The following PTPRA variants were observed in gnomAD, a reference collection of about 807,000 sequenced individuals.
PTPRA encodes the protein protein tyrosine phosphatase receptor type A, also known as receptor-type tyrosine-protein phosphatase alpha.
A neutral mutation model predicts 104.8 loss-of-function variants in PTPRA; 25 were observed. That is an observed-to-expected ratio of 0.24 (90% CI 0.17 to 0.33). The LOEUF (loss-of-function observed/expected upper bound fraction) is 0.33. Among genes scored for constraint, PTPRA ranks in the 10% least tolerant of loss-of-function variants. The pLI, the probability that PTPRA is intolerant of heterozygous loss-of-function variation, is 1.00. For missense variants in PTPRA, 765 were observed against 1,015.3 expected (o/e 0.75, Z 3.35); for synonymous variants, 323 against 368.9 (o/e 0.88, Z 1.43).
At chr20:2,979,030 C>G (rs2062561693) in intron 6 of PTPRA, among the ~76,000 whole-genome samples, 1 of 152,150 alleles carries the variant, frequency 6.6e-6, no homozygotes. Flanking sequence ...CCCATTAACT[C>G]TAAAAGGTGG....
At chr20:2,949,223 T>C (rs1163044544) in intron 3 of PTPRA, among the ~76,000 whole-genome samples, 2 of 151,970 alleles carry the variant, frequency 1.3e-5, no homozygotes, top group Admixed American at 6.6e-5. Context: ...TTTGCTAGGG[T>C]ATAAAAATTA....
At chr20:2,882,031 T>C (rs1283998811) in intron 1 of PTPRA, among the ~76,000 whole-genome samples, 1 of 151,958 alleles carries the variant, frequency 6.6e-6, no homozygotes, top group East Asian at 1.9e-4. Flanking sequence ...AAAAAACACA[T>C]ACCCTTGGCA....
chr20:2,953,034 G>A (rs77228507), intron 3 of PTPRA, among the ~76,000 whole-genome samples: 2 of 152,022 alleles, frequency 1.3e-5, no homozygotes, highest in Admixed American at 6.6e-5. Flanking sequence ...ATATCTGTTC[G>A]AGTTCCTGCT....
intron 1 of PTPRA, among the ~76,000 whole-genome samples, chr20:2,908,125 A>G (rs1267329145): frequency 6.6e-6 from 1 of 152,124 alleles, no homozygotes; most frequent in Non-Finnish European, 1.5e-5. Context: ...CAAACTTTCT[A>G]TTCCTTACCT....
chr20:2,941,302 A>C (rs1375195656), intron 2 of PTPRA, among the ~76,000 whole-genome samples: 1 of 152,154 alleles, frequency 6.6e-6, no homozygotes, highest in African/African-American at 2.4e-5. Context: ...AAGTGCTGGG[A>C]TTACAGGCAT....
chr20:3,027,955 C>T (rs756961128), intron 20 of PTPRA, 114 bp downstream of exon 20: 180 of 1,405,918 alleles, frequency 1.3e-4, no homozygotes, highest in Non-Finnish European at 1.6e-4. Flanking sequence ...TTGACTTATA[C>T]GGTCCAAAGA....
intron 14 of PTPRA, 112 bp downstream of exon 14, chr20:3,021,540 G>A: frequency 7.1e-7 from 1 of 1,416,264 alleles, no homozygotes; most frequent in Non-Finnish European, 9.6e-7. Context: ...TGCAGTATGT[G>A]AATTCTGAAA....
intron 9 of PTPRA, among the ~76,000 whole-genome samples, chr20:2,990,358 C>G (rs2063116791): frequency 6.6e-6 from 1 of 152,174 alleles, no homozygotes; most frequent in African/African-American, 2.4e-5. Flanking sequence ...CATGCTCCTT[C>G]TTAAACCGGT....
At chr20:3,027,617 A>G in intron 19 of PTPRA, 90 bp from the exon 20 acceptor site, 3 of 1,498,778 alleles carry the variant, frequency 2.0e-6, no homozygotes, top group Non-Finnish European at 2.7e-6. Flanking sequence ...GCCTCCGAGC[A>G]GTCCCCATTC....
intron 5 of PTPRA, among the ~76,000 whole-genome samples, chr20:2,972,797 G>A (rs761691216): frequency 1.2e-4 from 18 of 151,442 alleles, no homozygotes; most frequent in Non-Finnish European, 2.4e-4. Flanking sequence ...GGCTCATTGC[G>A]GCCTGCACCT....
intron 1 of PTPRA, among the ~76,000 whole-genome samples, chr20:2,897,906 C>CTTTT (rs34328077): frequency 6.9e-3 from 579 of 83,512 alleles, no homozygotes; most frequent in Middle Eastern, 0.019. Context: ...CCTCATCATT[C>CTTTT]TTTTTTTTTT....
At chr20:3,007,294 G>T in intron 10 of PTPRA, 50 bp from the exon 11 acceptor site, 2 of 1,564,200 alleles carry the variant, frequency 1.3e-6, no homozygotes, top group Non-Finnish European at 1.8e-6. Context: ...GTCAGGTTCT[G>T]TGAGAAATAA....
chr20:2,866,094 C>T, the PTPRA span: 8 of 849,428 alleles, frequency 9.4e-6, no homozygotes, highest in Admixed American at 2.1e-5. Flanking sequence ...TATGTACTGA[C>T]GGGTGTATAC....
At chr20:3,015,528 A>G (rs1190670693) in intron 11 of PTPRA, among the ~76,000 whole-genome samples, 8 of 151,954 alleles carry the variant, frequency 5.3e-5, no homozygotes, top group African/African-American at 1.7e-4. Flanking sequence ...ATGCTCTCAC[A>G]CTCTTGACCT....
At position 2,964,365 on chromosome 20, in the gene PTPRA, G is replaced by C. The variant is rs2061869544; in HGVS notation, c.73+15G>C. 1 of 1,562,322 alleles carries C rather than the reference G, an allele frequency of 6.4e-7. No individual in the cohort carries two copies. The highest frequency in any genetic ancestry group is 8.7e-7 in the Non-Finnish European group (1 of 1,150,504). On this transcript the variant is annotated intron_variant, in intron 4 of 23. Transcript: ENST00000399903. The stretch of plus-strand genomic sequence containing the variant: ...TGCTACCACAGGTAAATTGTCATTT[G>C]ATAAGGCTGCTATTTGAAATGAAAT...
In PTPRA at chr20:2,892,117, G is replaced by A. The variant is rs1200731686; in HGVS notation, c.-129+18357G>A. ...CCAGCCTGGCCAATATGGTGAAACC[G>A]TGTCTCTACTAAAAATACAAAAATT... On this transcript the variant is annotated intron_variant, in intron 1 of 23. Coordinates refer to ENST00000399903, the MANE Select transcript of PTPRA (RefSeq NM_001385305.1). Among the ~76,000 whole-genome samples the A allele has an allele frequency of 2.6e-5, 4 of 151,528 alleles. No individual in the cohort carries two copies. In the South Asian group the frequency reaches 6.3e-4, roughly 24 times the overall value.
upstream of PTPRA, among the ~76,000 whole-genome samples, chr20:2,872,447 G>A (rs562323067): frequency 2.6e-5 from 4 of 152,352 alleles, no homozygotes; most frequent in African/African-American, 9.6e-5. The surrounding 1 kb of genome is among the most constrained non-coding windows in gnomAD (Gnocchi z 7.9). Context: ...TCCCCTACCC[G>A]CAAGCTCGGT....
At chr20:2,907,628 A>G (rs2059474774) in intron 1 of PTPRA, among the ~76,000 whole-genome samples, 1 of 152,222 alleles carries the variant, frequency 6.6e-6, no homozygotes, top group Non-Finnish European at 1.5e-5. Flanking sequence ...ACTTTAGGTT[A>G]TATGGAATTA....
chr20:2,933,435 TTTGGTTGG>T lies in PTPRA; in HGVS notation c.-50+10175_-50+10182del, dbSNP rs781388996. 8.6e-5 allele frequency among the ~76,000 whole-genome samples: 13 copies of T among 151,896 alleles called. No individual in the cohort carries two copies. In the South Asian group the frequency reaches 1.2e-3, roughly 15 times the overall value. On this transcript the variant is annotated intron_variant, in intron 2 of 23. Transcript: ENST00000399903. ...TAGCTTGTTTTTTGGGGTTCTTTCT[TTTGGTTGG>T]TTGGTTGGTTGGTTGGTTGGTTGGG...
Sources: allele counts gnomAD v4.1 joint callset (sites outside exome capture counted in the v4.1 genomes callset), GRCh38; gene constraint gnomAD v4.1.1; non-coding constraint Gnocchi (gnomAD v3.1); transcripts MANE v1.5; gene names NCBI Gene and HGNC (gene_info 2026-07-23, HGNC 2026-07-21).